Variants in LRRC32 observed in about 807,000 individuals in gnomAD.
The protein encoded by LRRC32 is leucine rich repeat containing 32, also known as transforming growth factor beta activator LRRC32.
LRRC32 carries 5 observed loss-of-function variants against 15.0 expected under a neutral mutation model. The ratio of observed to expected loss-of-function variants is 0.33; its 90% CI spans 0.17 to 0.70. LRRC32 has a LOEUF of 0.70. Ranked by LOEUF, LRRC32 falls within the 30% of genes least tolerant of loss-of-function variation. The probability of loss-of-function intolerance (pLI) is 0.66; values close to 1 mark genes in which losing one functional copy is unlikely to be tolerated. For synonymous variants in LRRC32, 391 were observed against 403.9 expected (o/e 0.97, Z 0.38); for missense variants, 803 against 854.2 (o/e 0.94, Z 0.75).
rs1439220821 is a variant in LRRC32 at position 76,661,122 on chromosome 11, C to T, written c.471G>A (p.Ala157=). ...GGGTGAGGCGAGTCAGACTGTTCTCCGCCAGTGAGAGGGTATGCAGGCTGG... is the reference window on the plus strand; with the variant it reads ...GGGTGAGGCGAGTCAGACTGTTCTCTGCCAGTGAGAGGGTATGCAGGCTGG... ...EAPSLHTLSL[A]ENSLTRLTRH... is the part of the protein sequence containing the mutation. The change falls in exon 3 of 3, where the codon GCG becomes GCA. Residue 157 remains alanine, a synonymous_variant. Transcript: ENST00000260061. 32 of 1,613,858 alleles carry T rather than the reference C, an allele frequency of 2.0e-5. No homozygotes were observed. In the East Asian group the frequency reaches 4.5e-4, roughly 22 times the overall value.
intron 2 of LRRC32, among the ~76,000 whole-genome samples, chr11:76,664,053 T>C (rs1350721941): frequency 6.6e-6 from 1 of 152,132 alleles, no homozygotes; most frequent in African/African-American, 2.4e-5. Context: ...TTACTGACTG[T>C]TACAGTGTGG....
Position 76,661,459 on chromosome 11 carries a change from G to A in LRRC32, c.134C>T (p.Ser45Leu), listed in dbSNP as rs745971810. Residue 45 changes from serine (S) to leucine (L), a missense_variant, in exon 3 of 3, where the codon TCG (serine) becomes TTG (leucine). Ser to Leu is a moderately radical substitution (Grantham distance 145). Coordinates refer to ENST00000260061, the MANE Select transcript of LRRC32 (RefSeq NM_001128922.2). ...GGTCTCAGTGTCTGGCGGGAGCACCGAGGGGACCTGGAGCAGGCCCAGAAC... is the reference window on the plus strand; with the variant it reads ...GGTCTCAGTGTCTGGCGGGAGCACCAAGGGGACCTGGAGCAGGCCCAGAAC... ...CQVLGLLQVP[S>L]VLPPDTETLD... The A allele has an allele frequency of 2.2e-5, 36 of 1,613,098 alleles. No homozygotes were observed. Among genetic ancestry groups the A allele is most frequent in the Admixed American group, 5.0e-5 (3 of 59,852 alleles).
intron 1 of LRRC32, among the ~76,000 whole-genome samples, chr11:76,670,306 C>T (rs1436291432): frequency 6.6e-6 from 1 of 152,230 alleles, no homozygotes; most frequent in African/African-American, 2.4e-5. Flanking sequence ...AATTCAAATT[C>T]CGGTTTGCCC....
At chr11:76,662,297 G>A (rs116425599) in intron 2 of LRRC32, among the ~76,000 whole-genome samples, 2,006 of 152,164 alleles carry the variant, frequency 0.013, 42 homozygotes, top group African/African-American at 0.046. Context: ...TGTGCTGTGC[G>A]ACCTCCAGGA....
chr11:76,662,641 C>T (rs1276503983), intron 2 of LRRC32: 1 of 152,358 alleles, frequency 6.6e-6, no homozygotes, highest in Middle Eastern at 3.2e-3. Context: ...CTCCAGGAAC[C>T]CCAGCCTTTC....
chr11:76,668,474 C>T (rs1952660542), intron 1 of LRRC32, among the ~76,000 whole-genome samples: 1 of 152,194 alleles, frequency 6.6e-6, no homozygotes, highest in South Asian at 2.1e-4. Flanking sequence ...TCCTCTCTGA[C>T]TCTTGCCCAT....
Position 76,665,781 on chromosome 11 carries a change from T to G in LRRC32, c.84+90A>C, listed in dbSNP as rs1952615801. The G allele has an allele frequency of 6.3e-6, 10 of 1,584,172 alleles. No homozygotes were observed. In the Admixed American group the frequency reaches 1.5e-4, roughly 25 times the overall value. On this transcript the variant is annotated intron_variant, in intron 2 of 2. Coordinates refer to ENST00000260061, the MANE Select transcript of LRRC32 (RefSeq NM_001128922.2). ...ATTCCCTTTCCTCTCCTGACTCTTC[T>G]AACTTCTGGCTTCTGGGGCTGGGGC...
At chr11:76,668,018 A>T (rs144323445) in intron 1 of LRRC32, among the ~76,000 whole-genome samples, 152 of 152,328 alleles carry the variant, frequency 1.0e-3, no homozygotes, top group Non-Finnish European at 1.6e-3. Context: ...CACAGCACCA[A>T]GCCCTCCGTG....
intron 1 of LRRC32, 131 bp from the exon 2 acceptor site, chr11:76,666,089 T>C (rs1327869240): frequency 3.8e-6 from 3 of 793,228 alleles, no homozygotes; most frequent in Non-Finnish European, 6.3e-6. Flanking sequence ...GGAATAAAGA[T>C]GCTTTGAGCA....
chr11:76,665,750 A>G, intron 2 of LRRC32, 121 bp downstream of exon 2: 1 of 1,423,974 alleles, frequency 7.0e-7, no homozygotes, highest in East Asian at 2.3e-5. Flanking sequence ...ATTAAATGCA[A>G]GGTACATTCC....
intron 2 of LRRC32, chr11:76,663,193 A>C (rs935696198): frequency 6.6e-6 from 1 of 152,236 alleles, no homozygotes; most frequent in African/African-American, 2.4e-5. Flanking sequence ...TTTCCTAATG[A>C]ATGAGTCCCA....
Position 76,659,761 on chromosome 11 carries a change from C to T in LRRC32, c.1832G>A (p.Ser611Asn). The T allele has an allele frequency of 6.2e-7, 1 of 1,614,254 alleles. No individual in the cohort carries two copies. Among genetic ancestry groups the T allele is most frequent in the Non-Finnish European group, 8.5e-7 (1 of 1,180,046 alleles). Residue 611 changes from serine to asparagine, a missense_variant, in exon 3 of 3, where the codon AGC (serine) becomes AAC (asparagine). By Grantham distance (46) the Ser-to-Asn change is conservative. Transcript: ENST00000260061. ...CTCACAGTCCTCGGGACGCACGTGG[C>T]TCAGGGACACCTCCTCCTGGGAGCT... ...RFSSQEEVSLSHVRPEDCEKG... is the reference protein window; with the variant it reads ...RFSSQEEVSLNHVRPEDCEKG...
At position 76,661,149 on chromosome 11, in the gene LRRC32, T is replaced by C. The variant is rs752190468; in HGVS notation, c.444A>G (p.Ala148=). The C allele has an allele frequency of 1.9e-6, 3 of 1,612,046 alleles. No individual in the cohort carries two copies. The highest frequency in any genetic ancestry group is 2.7e-5 in the African/African-American group (2 of 74,834). The part of the protein sequence containing the change: ...SGLLERLLGE[A]PSLHTLSLAE... The stretch of plus-strand genomic sequence containing the variant: ...CCAGTGAGAGGGTATGCAGGCTGGG[T>C]GCCTCCCCCAGCAGCCGCTCCAGCA... The change falls in exon 3 of 3, where the codon GCA becomes GCG. Residue 148 remains alanine, a synonymous_variant. Coordinates refer to ENST00000260061, the MANE Select transcript of LRRC32 (RefSeq NM_001128922.2).
In LRRC32 at chr11:76,666,908, G is replaced by C. The variant is rs180776319; in HGVS notation, c.-4-950C>G. Among the ~76,000 whole-genome samples the C allele has an allele frequency of 1.8e-3, 274 of 152,344 alleles. 3 individuals are homozygous for C. Among genetic ancestry groups the C allele is most frequent in the South Asian group, 8.1e-3 (39 of 4,832 alleles). Reference sequence around the variant, plus strand: ...ACACGAAAAAGAAGTGACAGTGACGGTGATACAGACAGAGAGTCTTAAAGA... The same window carrying C: ...ACACGAAAAAGAAGTGACAGTGACGCTGATACAGACAGAGAGTCTTAAAGA... On this transcript the variant is annotated intron_variant, in intron 1 of 2. Coordinates refer to ENST00000260061, the MANE Select transcript of LRRC32 (RefSeq NM_001128922.2).
intron 2 of LRRC32, 133 bp from the exon 3 acceptor site, chr11:76,661,641 C>A: frequency 7.1e-7 from 1 of 1,403,156 alleles, no homozygotes. Flanking sequence ...GCTCAACTTT[C>A]CCCCACCGCA....
rs545152231 is a variant in LRRC32, at chr11:76,659,523, T to A, written c.*81A>T. ...GAGACCAGAGTTCTGGGATCCCGGATCACTGTGTGACCTTGAGTCAGTCCT... is the reference window on the plus strand; with the variant it reads ...GAGACCAGAGTTCTGGGATCCCGGAACACTGTGTGACCTTGAGTCAGTCCT... On this transcript the variant is annotated 3_prime_UTR_variant, in exon 3 of 3. Coordinates refer to ENST00000260061, the MANE Select transcript of LRRC32 (RefSeq NM_001128922.2). The A allele has an allele frequency of 4.8e-3, 6,939 of 1,432,238 alleles. 21 individuals are homozygous for A. The highest frequency in any genetic ancestry group is 6.0e-3 in the Non-Finnish European group (6,350 of 1,055,684). The allele number at this position is 1,432,238 out of a possible 1,614,324, so 88.7% of individuals were successfully genotyped here. A position where few individuals can be genotyped will look rare whatever the true frequency, so the allele number is the denominator to read the frequency against.
At chr11:76,662,609 G>A (rs952190265) in intron 2 of LRRC32, 1 of 152,162 alleles carries the variant, frequency 6.6e-6, no homozygotes, top group African/African-American at 2.4e-5. Context: ...GCAAATGCAG[G>A]TCTCCCTCTT....
chr11:76,658,005 G>T lies in LRRC32; in HGVS notation c.*1599C>A, dbSNP rs539749997. 2 of 152,472 alleles carry T rather than the reference G, an allele frequency of 1.3e-5. No homozygotes were observed. Among genetic ancestry groups the T allele is most frequent in the Admixed American group, 1.3e-4 (2 of 15,306 alleles). The allele number at this position is 152,472 out of a possible 1,614,324, so 9.4% of individuals were successfully genotyped here. A position where few individuals can be genotyped will look rare whatever the true frequency, so the allele number is the denominator to read the frequency against. ...CAGCTCATGACTCCATGGTATGAGG[G>T]ATGGGGGTCATCTGGGTGAGGCTTT... On this transcript the variant is annotated 3_prime_UTR_variant, in exon 3 of 3. Transcript: ENST00000260061.
intron 1 of LRRC32, among the ~76,000 whole-genome samples, chr11:76,666,688 G>A (rs1286723678): frequency 6.6e-6 from 1 of 152,210 alleles, no homozygotes; most frequent in Non-Finnish European, 1.5e-5. Flanking sequence ...TGGGGCTAAG[G>A]GGACCGCACA....
Sources: allele counts gnomAD v4.1 joint callset (sites outside exome capture counted in the v4.1 genomes callset), GRCh38; gene constraint gnomAD v4.1.1; transcripts MANE v1.5; gene names NCBI Gene and HGNC (gene_info 2026-07-23, HGNC 2026-07-21).